The following MTFMT variants were observed in gnomAD, a reference collection of about 807,000 sequenced individuals.
MTFMT encodes mitochondrial methionyl-tRNA formyltransferase.
In MTFMT, 47 loss-of-function variants were observed where a neutral mutation model predicts 51.8. The ratio of observed to expected loss-of-function variants is 0.91; its 90% CI spans 0.72 to 1.16. MTFMT has a LOEUF of 1.16. MTFMT is among the 50% of genes most tolerant of loss of function. The pLI, the probability that MTFMT is intolerant of heterozygous loss-of-function variation, is 0.00. For missense variants in MTFMT, 512 were observed against 482.3 expected (o/e 1.06, Z -0.58); for synonymous variants, 196 against 176.7 (o/e 1.11, Z -0.87).
Position 65,023,657 on chromosome 15 carries a change from GA to G in MTFMT, c.542+14del. 1 of 1,611,534 alleles carries G rather than the reference GA, an allele frequency of 6.2e-7. No individual in the cohort carries two copies. ...AAAAATCACAAAAATCTCAAGAAAG[GA>G]AAATATGTGCTACCTTTTAGGTCTA... On this transcript the variant is annotated intron_variant, in intron 3 of 8. Coordinates refer to ENST00000220058, the MANE Select transcript of MTFMT (RefSeq NM_139242.4).
chr15:65,023,754 G>C lies in MTFMT; in HGVS notation c.460C>G (p.Arg154Gly). ...GTATGGATTACAGGGGCTGGGCCAC[G>C]CCATCTCGGGAGGCAACTGGGATGA... ...NVHPSCLPRWRGPAPVIHTVL... is the reference protein window; with the variant it reads ...NVHPSCLPRWGGPAPVIHTVL... The change falls in exon 3 of 9, where the codon CGT becomes GGT. Residue 154 changes from arginine to glycine, a missense_variant. By Grantham distance (125) the Arg-to-Gly change is moderately radical. Coordinates refer to ENST00000220058, the MANE Select transcript of MTFMT (RefSeq NM_139242.4). The C allele has an allele frequency of 6.2e-7, 1 of 1,612,642 alleles. No homozygotes were observed. The highest frequency in any genetic ancestry group is 1.3e-5 in the African/African-American group (1 of 75,012).
At chr15:65,024,267 G>T (rs1426427792) in intron 2 of MTFMT, among the ~76,000 whole-genome samples, 5 of 152,214 alleles carry the variant, frequency 3.3e-5, no homozygotes, top group Admixed American at 1.3e-4. Context: ...CAGAGGTGCA[G>T]TGAACCGAGA....
At chr15:65,017,209 T>C (rs2086331351) in intron 5 of MTFMT, among the ~76,000 whole-genome samples, 1 of 151,736 alleles carries the variant, frequency 6.6e-6, no homozygotes. Context: ...ATATAAGTAC[T>C]CAAAAAACTG....
chr15:65,017,857 C>A (rs2086337441), intron 5 of MTFMT, among the ~76,000 whole-genome samples: 1 of 151,774 alleles, frequency 6.6e-6, no homozygotes, highest in South Asian at 2.1e-4. Flanking sequence ...CCATGATACA[C>A]TATTAAGTGA....
At chr15:65,019,023 C>A (rs2086347821) in intron 5 of MTFMT, among the ~76,000 whole-genome samples, 1 of 152,120 alleles carries the variant, frequency 6.6e-6, no homozygotes. Flanking sequence ...TTTTGTAATC[C>A]ATAGTGAAAT....
chr15:65,029,117 AG>A, intron 1 of MTFMT: 1 of 260,520 alleles, frequency 3.8e-6, no homozygotes, highest in South Asian at 1.4e-4. Flanking sequence ...CGGGGGATGC[AG>A]GCAGAGCGCC....
At position 65,003,033 on chromosome 15, in the gene MTFMT, T is replaced by A; in HGVS notation, c.*29A>T. On this transcript the variant is annotated 3_prime_UTR_variant, in exon 9 of 9. Coordinates refer to ENST00000220058, the MANE Select transcript of MTFMT (RefSeq NM_139242.4). ...AGGTTTTTAATAAATTACAAATATG[T>A]AATAGGTTTTTATCCATCTTCTTCC... The A allele has an allele frequency of 7.5e-7, 1 of 1,335,168 alleles. No individual in the cohort carries two copies. Among genetic ancestry groups the A allele is most frequent in the Non-Finnish European group, 1.0e-6 (1 of 997,144 alleles). 82.7% of individuals were successfully genotyped at this position (1,335,168 alleles called of 1,614,324 possible).
In MTFMT at chr15:65,020,455, T is replaced by C. The variant is rs541541917; in HGVS notation, c.646-183A>G. On this transcript the variant is annotated intron_variant, in intron 4 of 8. Coordinates refer to ENST00000220058, the MANE Select transcript of MTFMT (RefSeq NM_139242.4). ...TGAACCTATAACTTTAAAAGATCTA[T>C]GTGGCAGGGTAAGGTAGTACATTGG... Among the ~76,000 whole-genome samples the C allele has an allele frequency of 3.1e-4, 47 of 152,296 alleles. 1 individual carries two copies. The South Asian group carries it at 9.1e-3, about 30-fold the overall frequency.
rs535501175 is a variant in MTFMT, at chr15:65,009,312, T to C, written c.814-3121A>G. Among the ~76,000 whole-genome samples the C allele has an allele frequency of 2.6e-5, 4 of 152,330 alleles. No individual in the cohort carries two copies. In the East Asian group the frequency reaches 5.8e-4, roughly 22 times the overall value. On this transcript the variant is annotated intron_variant, in intron 6 of 8. Coordinates refer to ENST00000220058, the MANE Select transcript of MTFMT (RefSeq NM_139242.4). ...TCAAGCTACTGGCCTAAATTGCATC[T>C]CAGGAAGTTGTCTACTTGATATCTC...
chr15:65,026,919 G>A lies in MTFMT; in HGVS notation c.331C>T (p.Pro111Ser). ...VQSQLPVYEW[P>S]DVGSGEYDVG... ...TCATATTCTCCAGATCCCACATCCG[G>A]CCACTCATATACGGGAAGCTGAGAC... Residue 111 changes from proline (P) to serine (S), a missense_variant, in exon 2 of 9, where the codon CCG becomes TCG. By Grantham distance (74) the Pro-to-Ser change is moderately conservative. Transcript: ENST00000220058. The A allele has an allele frequency of 6.2e-7, 1 of 1,613,930 alleles. No individual in the cohort carries two copies.
At chr15:65,008,592 G>C (rs535437855) in intron 6 of MTFMT, among the ~76,000 whole-genome samples, 109 of 152,306 alleles carry the variant, frequency 7.2e-4, no homozygotes, top group African/African-American at 2.6e-3. Context: ...TCTCAGTGCA[G>C]TGCTCTTTTT....
At chr15:65,014,523 T>C (rs2086299934) in intron 6 of MTFMT, among the ~76,000 whole-genome samples, 1 of 151,694 alleles carries the variant, frequency 6.6e-6, no homozygotes, top group African/African-American at 2.4e-5. Flanking sequence ...ACGGGGTTTC[T>C]CCATGTTGGT....
chr15:65,028,577 G>A (rs148614272), intron 1 of MTFMT, among the ~76,000 whole-genome samples: 1 of 152,112 alleles, frequency 6.6e-6, no homozygotes, highest in Non-Finnish European at 1.5e-5. Flanking sequence ...GGGGATTGAC[G>A]AAGGATTCAA....
rs1326374478 is a variant in MTFMT, at chr15:65,001,832, C to T, written c.*1230G>A. 6.6e-6 allele frequency: 1 copy of T among 151,750 alleles called. No individual in the cohort carries two copies. The highest frequency in any genetic ancestry group is 1.5e-5 in the Non-Finnish European group (1 of 67,940). The allele number at this position is 151,750 out of a possible 1,614,324, so 9.4% of individuals were successfully genotyped here. ...AAGCAGTGTTTCACGCCACTGGACTCCAGACTGTGTGAGAGAGCAAGACCC... is the reference window on the plus strand; with the variant it reads ...AAGCAGTGTTTCACGCCACTGGACTTCAGACTGTGTGAGAGAGCAAGACCC... On this transcript the variant is annotated 3_prime_UTR_variant, in exon 9 of 9. Coordinates refer to ENST00000220058, the MANE Select transcript of MTFMT (RefSeq NM_139242.4).
intron 5 of MTFMT, among the ~76,000 whole-genome samples, chr15:65,019,249 T>C (rs2086350239): frequency 6.6e-6 from 1 of 152,248 alleles, no homozygotes; most frequent in Admixed American, 6.5e-5. Flanking sequence ...TACAGTCTGA[T>C]ATCTTGGCTT....
At chr15:65,003,665 T>A (rs2086196191) in intron 8 of MTFMT, among the ~76,000 whole-genome samples, 1 of 151,598 alleles carries the variant, frequency 6.6e-6, no homozygotes, top group Non-Finnish European at 1.5e-5. Context: ...GTGACCAGCC[T>A]GACCAACATG....
intron 1 of MTFMT, 104 bp from the exon 2 acceptor site, chr15:65,027,144 AT>A: frequency 1.2e-6 from 1 of 805,084 alleles, no homozygotes; most frequent in Non-Finnish European, 2.0e-6. Context: ...CTCATGAAGC[AT>A]TTAGGGCTAA....
At position 65,003,154 on chromosome 15, in the gene MTFMT, C is replaced by A. The variant is rs2086190462; in HGVS notation, c.1078G>T (p.Ala360Ser). The change falls in exon 9 of 9, where the codon GCT (alanine) becomes TCT (serine). Residue 360 changes from alanine to serine, a missense_variant. By Grantham distance (99) the Ala-to-Ser change is moderately conservative (BLOSUM62 1). Coordinates refer to ENST00000220058, the MANE Select transcript of MTFMT (RefSeq NM_139242.4). ...TGAAATCTGCATTGGCTTGGTTGAGCTTGGGAATTTTTCTGGTACCAGGGG... is the reference window on the plus strand; with the variant it reads ...TGAAATCTGCATTGGCTTGGTTGAGATTGGGAATTTTTCTGGTACCAGGGG... The part of the protein sequence containing the change: ...LHPWYQKNSQ[A>S]QPSQCRFQTL... 1 of 1,613,468 alleles carries A rather than the reference C, an allele frequency of 6.2e-7. No homozygotes were observed. Among genetic ancestry groups the A allele is most frequent in the African/African-American group, 1.3e-5 (1 of 74,878 alleles).
intron 1 of MTFMT, among the ~76,000 whole-genome samples, chr15:65,027,683 C>T (rs1173545025): frequency 1.3e-5 from 2 of 152,006 alleles, no homozygotes; most frequent in Non-Finnish European, 2.9e-5. Flanking sequence ...TTTAACAATG[C>T]TATATATGCT....
Sources: gnomAD v4.1 joint callset for allele counts (sites outside exome capture counted in the v4.1 genomes callset) on GRCh38, gnomAD v4.1.1 for gene constraint, MANE v1.5 for transcripts, NCBI Gene and HGNC (gene_info 2026-07-23, HGNC 2026-07-21) for gene names.